Variants in VGLL3 observed in about 807,000 individuals in gnomAD.
VGLL3 encodes the protein transcription cofactor vestigial-like protein 3.
A neutral mutation model predicts 29.2 loss-of-function variants in VGLL3; 18 were observed. The observed-to-expected ratio is 0.62, with a 90% CI of 0.43 to 0.91. VGLL3 has a LOEUF of 0.91. VGLL3 is among the 40% of genes least tolerant of loss of function. The pLI, the probability that VGLL3 is intolerant of heterozygous loss-of-function variation, is 0.00. For synonymous variants in VGLL3, 180 were observed against 151.8 expected (o/e 1.19, Z -1.36); for missense variants, 440 against 413.2 (o/e 1.06, Z -0.56).
At chr3:86,951,423 T>C (rs1704615019) in intron 3 of VGLL3, among the ~76,000 whole-genome samples, 1 of 152,158 alleles carries the variant, frequency 6.6e-6, no homozygotes, top group African/African-American at 2.4e-5. Context: ...TTTACATTCA[T>C]GAAAGCTCTG....
At chr3:86,990,223 T>G in intron 1 of VGLL3, 1 of 854,154 alleles carries the variant, frequency 1.2e-6, no homozygotes, top group Non-Finnish European at 1.4e-6. Context: ...GCACTTCATC[T>G]TCCTCATCAA....
chr3:86,974,904 T>C (rs1705177554), intron 2 of VGLL3, among the ~76,000 whole-genome samples: 1 of 152,226 alleles, frequency 6.6e-6, no homozygotes, highest in Admixed American at 6.5e-5. Context: ...ACAATGTTCC[T>C]GGATAAAGGC....
intron 1 of VGLL3, among the ~76,000 whole-genome samples, chr3:86,984,055 T>A (rs908887082): frequency 1.1e-4 from 17 of 152,230 alleles, no homozygotes; most frequent in African/African-American, 4.1e-4. Flanking sequence ...TCAGTCAGCA[T>A]GGCATCACAT....
chr3:86,960,192 T>C (rs1363661787), intron 3 of VGLL3, among the ~76,000 whole-genome samples: 1 of 152,158 alleles, frequency 6.6e-6, no homozygotes, highest in Non-Finnish European at 1.5e-5. Context: ...TTAAACCCAT[T>C]AAAATATAAT....
chr3:86,987,102 G>A lies in VGLL3; in HGVS notation c.126+3516C>T, dbSNP rs531747672. On this transcript the variant is annotated intron_variant, in intron 1 of 3. Coordinates refer to ENST00000398399, the MANE Select transcript of VGLL3 (RefSeq NM_016206.4). ...CAAAGATGCTACACCGGAGAAAGGG[G>A]GATCTGGTGATCCTAATTTTGTCAC... Among the ~76,000 whole-genome samples, 12 of 152,154 alleles carry A rather than the reference G, an allele frequency of 7.9e-5. No individual in the cohort carries two copies. In the South Asian group the frequency reaches 1.0e-3, roughly 13 times the overall value.
chr3:86,982,742 T>C (rs1426583178), intron 1 of VGLL3, among the ~76,000 whole-genome samples: 16 of 152,184 alleles, frequency 1.1e-4, no homozygotes, highest in Non-Finnish European at 2.2e-4. Context: ...CCTGCAGAAA[T>C]TTTAACAAAA....
chr3:86,966,762 A>AGT lies in VGLL3; in HGVS notation c.937+1826_937+1827dup, dbSNP rs375833254. Among the ~76,000 whole-genome samples the AGT allele has an allele frequency of 5.4e-3, 457 of 85,274 alleles. 15 individuals carry two copies. Among genetic ancestry groups the AGT allele is most frequent in the African/African-American group, 0.013 (304 of 23,482 alleles). The allele number at this position is 85,274 out of a possible 152,430, so 55.9% of individuals were successfully genotyped here. On this transcript the variant is annotated intron_variant, in intron 3 of 3. Coordinates refer to ENST00000398399, the MANE Select transcript of VGLL3 (RefSeq NM_016206.4). ...ATTTAGTTTAAGAACTTAAAGTAAT[A>AGT]GTGTGTGTGTGTATATATATATATA...
intron 3 of VGLL3, among the ~76,000 whole-genome samples, chr3:86,960,761 G>T (rs2106992386): frequency 6.6e-6 from 1 of 151,946 alleles, no homozygotes; most frequent in South Asian, 2.1e-4. Context: ...ATCACAGTTT[G>T]GGGCCAGCTC....
At chr3:86,971,536 A>G (rs1705100404) in intron 2 of VGLL3, among the ~76,000 whole-genome samples, 1 of 152,242 alleles carries the variant, frequency 6.6e-6, no homozygotes, top group Admixed American at 6.5e-5. Flanking sequence ...CAACCTCAGG[A>G]AACTTTTAAT....
chr3:86,969,741 T>C (rs2107021865), intron 2 of VGLL3, among the ~76,000 whole-genome samples: 1 of 150,534 alleles, frequency 6.6e-6, no homozygotes, highest in Admixed American at 6.6e-5. Context: ...GATCTGGGAG[T>C]CTCTAGACCG....
intron 2 of VGLL3, among the ~76,000 whole-genome samples, chr3:86,970,238 C>T (rs1705066002): frequency 6.6e-6 from 1 of 152,112 alleles, no homozygotes; most frequent in Admixed American, 6.5e-5. Context: ...ATGTATCAAA[C>T]ATAGGCGTCA....
chr3:86,982,674 A>G (rs1053204946), intron 1 of VGLL3, among the ~76,000 whole-genome samples: 2 of 152,184 alleles, frequency 1.3e-5, no homozygotes, highest in African/African-American at 4.8e-5. Flanking sequence ...CAAAATGCAC[A>G]ATCACTTCCT....
At chr3:86,979,322 C>A (rs1705276080) in intron 1 of VGLL3, among the ~76,000 whole-genome samples, 1 of 152,096 alleles carries the variant, frequency 6.6e-6, no homozygotes, top group Non-Finnish European at 1.5e-5. Flanking sequence ...AAGGATTTGG[C>A]AGATGTGCTG....
At chr3:86,989,480 A>G (rs1705533145) in intron 1 of VGLL3, among the ~76,000 whole-genome samples, 1 of 152,200 alleles carries the variant, frequency 6.6e-6, no homozygotes, top group Non-Finnish European at 1.5e-5. Context: ...ATTTCTTTCT[A>G]AAGAGTAGCA....
Position 86,945,592 on chromosome 3 carries a change from G to A in VGLL3, c.*1432C>T, listed in dbSNP as rs1170406266. Reference sequence around the variant, plus strand: ...CTTTCATAATCTTAATCTTCTCCTAGCAGTGTCTTAATGATAATTTAAACT... The same window carrying A: ...CTTTCATAATCTTAATCTTCTCCTAACAGTGTCTTAATGATAATTTAAACT... On this transcript the variant is annotated 3_prime_UTR_variant, in exon 4 of 4. Coordinates refer to ENST00000398399, the MANE Select transcript of VGLL3 (RefSeq NM_016206.4). 1 of 152,118 alleles carries A rather than the reference G, an allele frequency of 6.6e-6. No homozygotes were observed. The highest frequency in any genetic ancestry group is 1.9e-4 in the East Asian group (1 of 5,188). 9.4% of individuals were successfully genotyped at this position (152,118 alleles called of 1,614,324 possible).
chr3:86,963,532 A>T (rs1704900821), intron 3 of VGLL3, among the ~76,000 whole-genome samples: 1 of 152,234 alleles, frequency 6.6e-6, no homozygotes, highest in Admixed American at 6.5e-5. Context: ...TGAATATATT[A>T]TAAGACCAAT....
At position 86,945,468 on chromosome 3, in the gene VGLL3, CTT is replaced by C. The variant is rs982087725; in HGVS notation, c.*1554_*1555del. ...AAAACCTCTTTATAAAGCTAAAAAA[CTT>C]CTCTAATACACTAACTTTTTTACAT... On this transcript the variant is annotated 3_prime_UTR_variant, in exon 4 of 4. Transcript: ENST00000398399. 2 of 152,038 alleles carry C rather than the reference CTT, an allele frequency of 1.3e-5. No individual in the cohort carries two copies. The highest frequency in any genetic ancestry group is 4.8e-5 in the African/African-American group (2 of 41,410). 9.4% of individuals were successfully genotyped at this position (152,038 alleles called of 1,614,324 possible). A position where few individuals can be genotyped will look rare whatever the true frequency, so the allele number is the denominator to read the frequency against.
rs1408317276 is a variant in VGLL3, at chr3:86,946,902, A to G, written c.*122T>C. On this transcript the variant is annotated 3_prime_UTR_variant, in exon 4 of 4. Transcript: ENST00000398399. ...AGGCCGAAAACCAGTCAACTGCGTG[A>G]CACTTTGTCTTCTCCTTCTATGCCT... is the stretch of plus-strand genomic sequence containing the variant. 1.5e-6 allele frequency: 1 copy of G among 684,014 alleles called. No individual in the cohort carries two copies. Among genetic ancestry groups the G allele is most frequent in the East Asian group, 2.6e-5 (1 of 38,632 alleles). The allele number at this position is 684,014 out of a possible 1,614,324, so 42.4% of individuals were successfully genotyped here. A position where few individuals can be genotyped will look rare whatever the true frequency, so the allele number is the denominator to read the frequency against.
chr3:86,943,523 C>T lies in VGLL3; in HGVS notation c.*3501G>A, dbSNP rs1175870843. The T allele has an allele frequency of 6.6e-6, 1 of 151,534 alleles. No homozygotes were observed. 9.4% of individuals were successfully genotyped at this position (151,534 alleles called of 1,614,324 possible). A position where few individuals can be genotyped will look rare whatever the true frequency, so the allele number is the denominator to read the frequency against. On this transcript the variant is annotated 3_prime_UTR_variant, in exon 4 of 4. Transcript: ENST00000398399. The stretch of plus-strand genomic sequence containing the variant: ...AGAATTTGGGTTTTTTTTTTAAAGT[C>T]TTATAAAGTTAAAGAAATAAATCCC...
Sources: gnomAD v4.1 joint callset for allele counts (sites outside exome capture counted in the v4.1 genomes callset) on GRCh38, gnomAD v4.1.1 for gene constraint, MANE v1.5 for transcripts, NCBI Gene and HGNC (gene_info 2026-07-23, HGNC 2026-07-21) for gene names.